MFN1: variants seen among roughly 807,000 people sequenced by gnomAD.
MFN1 encodes mitofusin 1.
In MFN1, 65 loss-of-function variants were observed where a neutral mutation model predicts 92.4. That is an observed-to-expected ratio of 0.70 (90% CI 0.58 to 0.86). The LOEUF (loss-of-function observed/expected upper bound fraction) is 0.86. Among genes scored for constraint, MFN1 ranks in the 40% least tolerant of loss-of-function variants. The pLI, the probability that MFN1 is intolerant of heterozygous loss-of-function variation, is 0.00. For missense variants in MFN1, 781 were observed against 868.0 expected (o/e 0.90, Z 1.26); for synonymous variants, 297 against 300.9 (o/e 0.99, Z 0.13).
chr3:179,383,912 G>A (rs184826329), intron 14 of MFN1, among the ~76,000 whole-genome samples: 2 of 152,204 alleles, frequency 1.3e-5, no homozygotes, highest in Admixed American at 1.3e-4. Flanking sequence ...TTGTGAAATT[G>A]TAAAACCATC....
At chr3:179,385,930 C>G (rs1302279023) in intron 15 of MFN1, among the ~76,000 whole-genome samples, 1 of 152,158 alleles carries the variant, frequency 6.6e-6, no homozygotes, top group African/African-American at 2.4e-5. Flanking sequence ...TGAACTATCA[C>G]CACCTAGCTG....
At chr3:179,348,088 G>T (rs896469936) in intron 1 of MFN1, 1 of 151,938 alleles carries the variant, frequency 6.6e-6, no homozygotes, top group Non-Finnish European at 1.5e-5. Flanking sequence ...TGACTCCTGC[G>T]CCCGGTGTGG....
Position 179,362,351 on chromosome 3 carries a change from G to C in MFN1, c.412-7G>C. 6.3e-7 allele frequency: 1 copy of C among 1,597,554 alleles called. No individual in the cohort carries two copies. The highest frequency in any genetic ancestry group is 8.5e-7 in the Non-Finnish European group (1 of 1,173,632). On this transcript the variant is annotated splice_region_variant and splice_polypyrimidine_tract_variant and intron_variant, in intron 4 of 17. Transcript: ENST00000471841. ...GAGTTTATTTTTTTCTTTTCCTCCT[G>C]CTTTAGACAGTTAATCAACTGGCCC...
intron 16 of MFN1, among the ~76,000 whole-genome samples, chr3:179,389,624 T>C (rs1713824904): frequency 6.6e-6 from 1 of 152,214 alleles, no homozygotes; most frequent in Non-Finnish European, 1.5e-5. Context: ...AGAAATATTG[T>C]TAAATTTTGC....
chr3:179,380,946 T>C (rs1183317490), intron 14 of MFN1, among the ~76,000 whole-genome samples: 1 of 152,094 alleles, frequency 6.6e-6, no homozygotes, highest in Non-Finnish European at 1.5e-5. Flanking sequence ...GAGCTCCTTA[T>C]GCAAAAAATA....
intron 13 of MFN1, 59 bp downstream of exon 13, chr3:179,378,502 G>A: frequency 6.6e-7 from 1 of 1,521,942 alleles, no homozygotes; most frequent in African/African-American, 1.4e-5. Flanking sequence ...GACTGGTGAA[G>A]AGCTTATTTT....
chr3:179,375,391 CTT>C (rs1190716681), intron 10 of MFN1, 50 bp downstream of exon 10: 2 of 1,602,464 alleles, frequency 1.2e-6, no homozygotes, highest in Admixed American at 1.7e-5. Context: ...TTTTGTCAGA[CTT>C]TTGTTAAGAT....
intron 3 of MFN1, 98 bp downstream of exon 3, chr3:179,352,133 G>A (rs182181350): frequency 3.3e-4 from 415 of 1,259,352 alleles, no homozygotes; most frequent in Non-Finnish European, 4.0e-4. Context: ...CCCCAGCCCC[G>A]CAAGTTTCTG....
intron 1 of MFN1, 84 bp downstream of exon 1, chr3:179,347,894 A>AT (rs1301071802): frequency 1.3e-5 from 2 of 152,272 alleles, no homozygotes; most frequent in African/African-American, 4.8e-5. Flanking sequence ...GGAGTCGTGC[A>AT]TGCAGCGTTG....
chr3:179,373,061 A>T (rs1713086099), intron 9 of MFN1, among the ~76,000 whole-genome samples: 1 of 152,248 alleles, frequency 6.6e-6, no homozygotes, highest in Admixed American at 6.5e-5. Flanking sequence ...AATCAGTGAA[A>T]ATAAGTGATG....
At chr3:179,386,929 C>CT (rs1047439299) in intron 16 of MFN1, among the ~76,000 whole-genome samples, 100 of 151,416 alleles carry the variant, frequency 6.6e-4, no homozygotes, top group African/African-American at 2.2e-3. Flanking sequence ...AATTTTTTTT[C>CT]TTTTTTTTCA....
At chr3:179,370,464 T>C (rs1175540138) in intron 9 of MFN1, among the ~76,000 whole-genome samples, 2 of 135,930 alleles carry the variant, frequency 1.5e-5, no homozygotes, top group African/African-American at 5.6e-5. Flanking sequence ...AGGGAGTGAG[T>C]GCAGCGGCGC....
At chr3:179,381,014 A>G (rs978012920) in intron 14 of MFN1, among the ~76,000 whole-genome samples, 1 of 152,242 alleles carries the variant, frequency 6.6e-6, no homozygotes, top group Non-Finnish European at 1.5e-5. Flanking sequence ...AGTGTTTGAC[A>G]TTGATAATGA....
At chr3:179,390,587 A>G (rs778621743) in intron 17 of MFN1, among the ~76,000 whole-genome samples, 1 of 152,168 alleles carries the variant, frequency 6.6e-6, no homozygotes, top group Non-Finnish European at 1.5e-5. Flanking sequence ...TTCTGGTTTG[A>G]TATGATTCAT....
intron 17 of MFN1, 40 bp from the exon 18 acceptor site, chr3:179,391,941 C>A (rs1412502563): frequency 7.6e-7 from 1 of 1,320,866 alleles, no homozygotes; most frequent in Non-Finnish European, 1.1e-6. Context: ...TCTCCTTGAC[C>A]TTTATAGTAA....
At chr3:179,353,126 T>A (rs1386703663) in intron 3 of MFN1, among the ~76,000 whole-genome samples, 2 of 147,668 alleles carry the variant, frequency 1.4e-5, no homozygotes, top group Non-Finnish European at 3.0e-5. Context: ...CCATCTCGGC[T>A]CACTGCAACC....
At chr3:179,385,219 CTT>C (rs11302834) in intron 14 of MFN1, among the ~76,000 whole-genome samples, 294 of 144,986 alleles carry the variant, frequency 2.0e-3, no homozygotes, top group Admixed American at 2.1e-3. Context: ...GGCCGAAGTC[CTT>C]TTTTTTTTTT....
rs113325338 is a variant in MFN1 at position 179,352,998 on chromosome 3, C to A, written c.248+963C>A. Among the ~76,000 whole-genome samples the A allele has an allele frequency of 1.9e-3, 295 of 151,582 alleles. 1 individual carries two copies. Among genetic ancestry groups the A allele is most frequent in the African/African-American group, 6.7e-3 (277 of 41,304 alleles). On this transcript the variant is annotated intron_variant, in intron 3 of 17. Coordinates refer to ENST00000471841, the MANE Select transcript of MFN1 (RefSeq NM_033540.3). The stretch of plus-strand genomic sequence containing the variant: ...AACTCCTGACCTCAGGTGATCCACC[C>A]GCCTTGGCCTCCCAAAGTGTTGGAA...
In MFN1 at chr3:179,389,996, AT is replaced by A; in HGVS notation, c.2013-4del. The A allele has an allele frequency of 6.3e-7, 1 of 1,593,266 alleles. No individual in the cohort carries two copies. Among genetic ancestry groups the A allele is most frequent in the Non-Finnish European group, 8.5e-7 (1 of 1,174,466 alleles). ...CATTTATGACTGCTTCTAAATTTTT[AT>A]TTTAAGACAAATAGCTACCACTTTT... On this transcript the variant is annotated splice_region_variant and splice_polypyrimidine_tract_variant and intron_variant, in intron 16 of 17. Transcript: ENST00000471841.
Sources: gnomAD v4.1 joint callset for allele counts (sites outside exome capture counted in the v4.1 genomes callset) on GRCh38, gnomAD v4.1.1 for gene constraint, MANE v1.5 for transcripts, NCBI Gene and HGNC (gene_info 2026-07-23, HGNC 2026-07-21) for gene names.